Variants in DENND5A observed in about 807,000 individuals in gnomAD.
DENND5A encodes the protein DENN domain containing 5A, also known as DENN domain-containing protein 5A.
A neutral mutation model predicts 140.3 loss-of-function variants in DENND5A; 64 were observed. The observed-to-expected ratio is 0.46, with a 90% CI of 0.37 to 0.56. The LOEUF is 0.56. DENND5A is among the 20% of genes least tolerant of loss of function. The pLI, the probability that DENND5A is intolerant of heterozygous loss-of-function variation, is 0.00. For synonymous variants in DENND5A, 605 were observed against 607.7 expected, an observed-to-expected ratio of 1.00 and a Z score of 0.07; for missense variants, 1,292 against 1,593.8, an observed-to-expected ratio of 0.81 and a Z score of 3.22.
At chr11:9,154,782 C>A (rs1407671181) in intron 12 of DENND5A, among the ~76,000 whole-genome samples, 1 of 151,328 alleles carries the variant, frequency 6.6e-6, no homozygotes, top group East Asian at 1.9e-4. Context: ...ATACTAACTG[C>A]TTCTAAGAAG....
rs1332573377 is a variant in DENND5A, at chr11:9,178,371, T to C, written c.1672-5A>G. ...CTGATCTGACAGAAAAGATGCCTGG[T>C]GGGACCAAAAAGAAGCAGTAATTGA... On this transcript the variant is annotated splice_region_variant and splice_polypyrimidine_tract_variant and intron_variant, in intron 7 of 22. Transcript: ENST00000328194. 1 of 1,583,904 alleles carries C rather than the reference T, an allele frequency of 6.3e-7. No homozygotes were observed.
chr11:9,221,824 C>A (rs1850324568), intron 1 of DENND5A, among the ~76,000 whole-genome samples: 1 of 152,096 alleles, frequency 6.6e-6, no homozygotes, highest in African/African-American at 2.4e-5. Flanking sequence ...GTGGTGCGAT[C>A]TTGGCTCACT....
intron 1 of DENND5A, 128 bp downstream of exon 1, chr11:9,264,833 C>G (rs1261720620): frequency 2.5e-6 from 2 of 804,688 alleles, no homozygotes; most frequent in Admixed American, 5.4e-5. Flanking sequence ...TTCGCCCGCG[C>G]CCGCCCTGGT....
At chr11:9,177,747 T>G (rs1043215943) in intron 8 of DENND5A, among the ~76,000 whole-genome samples, 1 of 148,838 alleles carries the variant, frequency 6.7e-6, no homozygotes, top group Admixed American at 6.7e-5. Flanking sequence ...GAGGCAACAG[T>G]ATGACCATAA....
chr11:9,192,402 G>T (rs1284993609), intron 5 of DENND5A, among the ~76,000 whole-genome samples: 2 of 152,208 alleles, frequency 1.3e-5, no homozygotes, highest in African/African-American at 4.8e-5. Context: ...GCCAAGGCGG[G>T]TGGATCATGA....
At chr11:9,204,587 G>A (rs187244586) in intron 3 of DENND5A, among the ~76,000 whole-genome samples, 1 of 152,334 alleles carries the variant, frequency 6.6e-6, no homozygotes, top group Admixed American at 6.5e-5. Context: ...AATGGGCCAG[G>A]TGCAGTGGCT....
At chr11:9,239,280 C>T (rs758482503) in intron 1 of DENND5A, among the ~76,000 whole-genome samples, 3 of 151,972 alleles carry the variant, frequency 2.0e-5, no homozygotes, top group Non-Finnish European at 4.4e-5. Context: ...AATCTTCCTG[C>T]CTCAGCCTCC....
At chr11:9,144,073 G>A (rs1183768904) in intron 19 of DENND5A, 24 bp downstream of exon 19, 1 of 1,607,374 alleles carries the variant, frequency 6.2e-7, no homozygotes, top group Non-Finnish European at 8.5e-7. Flanking sequence ...ATGGCATGAG[G>A]GCCCAACCCC....
At chr11:9,167,872 C>T (rs1484182654) in intron 10 of DENND5A, among the ~76,000 whole-genome samples, 2 of 152,108 alleles carry the variant, frequency 1.3e-5, no homozygotes, top group Non-Finnish European at 2.9e-5. Flanking sequence ...TGCTCCTCTT[C>T]CAAATCATCT....
At chr11:9,261,900 A>G (rs1246416691) in intron 1 of DENND5A, among the ~76,000 whole-genome samples, 2 of 152,036 alleles carry the variant, frequency 1.3e-5, no homozygotes, top group South Asian at 2.1e-4. Context: ...AAGGCCACCT[A>G]TCGGAAATGT....
At chr11:9,148,415 T>C (rs1465444225) in intron 15 of DENND5A, among the ~76,000 whole-genome samples, 2 of 151,336 alleles carry the variant, frequency 1.3e-5, no homozygotes, top group African/African-American at 2.4e-5. Flanking sequence ...ATCTGCCCAG[T>C]AAGTAAGGGG....
chr11:9,178,855 C>A lies in DENND5A; in HGVS notation c.1671+3G>T. On this transcript the variant is annotated splice_donor_region_variant and intron_variant, in intron 7 of 22. Transcript: ENST00000328194. The stretch of plus-strand genomic sequence containing the variant: ...ACCACCTCCCAAGCAGGATTACACT[C>A]ACTTTATCAAAGTTTTGCATTTGCT... The A allele has an allele frequency of 6.2e-7, 1 of 1,612,950 alleles. No individual in the cohort carries two copies. Among genetic ancestry groups the A allele is most frequent in the South Asian group, 1.1e-5 (1 of 91,020 alleles).
chr11:9,145,194 G>C, intron 17 of DENND5A, 81 bp from the exon 18 acceptor site: 1 of 1,040,310 alleles, frequency 9.6e-7, no homozygotes, highest in Non-Finnish European at 1.5e-6. Context: ...AGATCTGACT[G>C]GCTGCCTGCA....
chr11:9,226,527 T>C (rs1590302654), intron 1 of DENND5A, among the ~76,000 whole-genome samples: 1 of 152,242 alleles, frequency 6.6e-6, no homozygotes, highest in Non-Finnish European at 1.5e-5. Context: ...TTTTCAAATG[T>C]GGTTATTTGG....
At chr11:9,251,589 C>T (rs1020369478) in intron 1 of DENND5A, among the ~76,000 whole-genome samples, 1 of 152,142 alleles carries the variant, frequency 6.6e-6, no homozygotes, top group Non-Finnish European at 1.5e-5. Context: ...AGGATTCTAC[C>T]ACTCATAAGA....
In DENND5A at chr11:9,210,320, T is replaced by C. The variant is rs548259172; in HGVS notation, c.110-2688A>G. ...TTATTTGTTCAACACATATAGATTA[T>C]ACAAACATCAGCAGATCCAGATATA... On this transcript the variant is annotated intron_variant, in intron 1 of 22. Coordinates refer to ENST00000328194, the MANE Select transcript of DENND5A (RefSeq NM_015213.4). Among the ~76,000 whole-genome samples, 12 of 152,314 alleles carry C rather than the reference T, an allele frequency of 7.9e-5. No homozygotes were observed. In the South Asian group the frequency reaches 1.4e-3, roughly 18 times the overall value.
chr11:9,201,628 C>T (rs1849527495), intron 4 of DENND5A, among the ~76,000 whole-genome samples: 2 of 152,176 alleles, frequency 1.3e-5, no homozygotes, highest in Middle Eastern at 6.8e-3. Flanking sequence ...CATGAAGGCA[C>T]CACTTAACTC....
intron 12 of DENND5A, among the ~76,000 whole-genome samples, chr11:9,153,367 A>AT (rs1191450512): frequency 5.3e-5 from 8 of 151,374 alleles, no homozygotes; most frequent in African/African-American, 1.9e-4. Flanking sequence ...AAAAAAAAAA[A>AT]AAAGAAGCAA....
chr11:9,210,397 G>C lies in DENND5A; in HGVS notation c.110-2765C>G, dbSNP rs577267254. ...ATTTCAAAATTAGTCAACTATGTGT[G>C]AGTCTATCTTTGTGAATCTGCTTCC... is the stretch of plus-strand genomic sequence containing the variant. On this transcript the variant is annotated intron_variant, in intron 1 of 22. Coordinates refer to ENST00000328194, the MANE Select transcript of DENND5A (RefSeq NM_015213.4). Among the ~76,000 whole-genome samples the C allele has an allele frequency of 2.0e-5, 3 of 152,302 alleles. No individual in the cohort carries two copies. In the Middle Eastern group the frequency reaches 0.01, roughly 518 times the overall value.
Sources: gnomAD v4.1 joint callset for allele counts (sites outside exome capture counted in the v4.1 genomes callset) on GRCh38, gnomAD v4.1.1 for gene constraint, MANE v1.5 for transcripts, NCBI Gene and HGNC (gene_info 2026-07-23, HGNC 2026-07-21) for gene names.